Variants in TBC1D1 observed in about 807,000 individuals in gnomAD.
TBC1D1 encodes the protein TBC1 (tre-2/USP6, BUB2, cdc16) domain family, member 1.
TBC1D1 carries 89 observed loss-of-function variants against 125.6 expected under a neutral mutation model. That is an observed-to-expected ratio of 0.71 (90% CI 0.60 to 0.85). The LOEUF (loss-of-function observed/expected upper bound fraction) is 0.85, where lower values mean the gene tolerates loss of function less well. Ranked by LOEUF, TBC1D1 falls within the 40% of genes least tolerant of loss-of-function variation. TBC1D1 has a pLI of 0.00. For missense variants in TBC1D1, 1,377 were observed against 1,469.2 expected (o/e 0.94, Z 1.03); for synonymous variants, 565 against 564.1 (o/e 1.00, Z -0.02).
intron 9 of TBC1D1, 48 bp downstream of exon 9, chr4:38,044,538 G>A: frequency 8.3e-6 from 13 of 1,574,870 alleles, no homozygotes; most frequent in African/African-American, 1.4e-5. Context: ...CTTTTTAGGA[G>A]AGTGTAAGAT....
intron 7 of TBC1D1, among the ~76,000 whole-genome samples, chr4:38,028,130 C>CA (rs543949534): frequency 1.6e-4 from 24 of 150,360 alleles, no homozygotes; most frequent in South Asian, 1.1e-3. Context: ...AACAAACAAA[C>CA]AAAAAAAACA....
intron 2 of TBC1D1, among the ~76,000 whole-genome samples, chr4:37,992,489 T>C (rs1736787901): frequency 1.4e-5 from 2 of 145,098 alleles, no homozygotes. Flanking sequence ...ACTAGAAGTC[T>C]GGTGTTTTTT....
At chr4:38,085,633 C>T (rs1384893630) in intron 12 of TBC1D1, among the ~76,000 whole-genome samples, 1 of 152,222 alleles carries the variant, frequency 6.6e-6, no homozygotes, top group Non-Finnish European at 1.5e-5. Context: ...AAGCTTCCTA[C>T]ACTGGCCTCT....
chr4:37,908,173 C>T (rs532084784), intron 2 of TBC1D1, among the ~76,000 whole-genome samples: 1 of 152,156 alleles, frequency 6.6e-6, no homozygotes, highest in South Asian at 2.1e-4. Context: ...GTGCCGGGCC[C>T]AGGGTAAGTC....
intron 2 of TBC1D1, among the ~76,000 whole-genome samples, chr4:37,979,998 T>C (rs1443197634): frequency 6.6e-6 from 1 of 152,122 alleles, no homozygotes; most frequent in Non-Finnish European, 1.5e-5. Flanking sequence ...AGGCTGGTCT[T>C]GAAGTCCCGA....
At chr4:38,007,059 G>A in intron 2 of TBC1D1, 2 of 376,646 alleles carry the variant, frequency 5.3e-6, no homozygotes, top group Non-Finnish European at 1.1e-5. Context: ...AAATAGCTGA[G>A]CACTGAGACG....
chr4:38,000,274 A>C (rs969471078), intron 2 of TBC1D1, among the ~76,000 whole-genome samples: 1 of 152,146 alleles, frequency 6.6e-6, no homozygotes, highest in Non-Finnish European at 1.5e-5. Flanking sequence ...TCTTTGGTTC[A>C]CATCTTTATT....
chr4:38,001,239 G>C (rs1245279762), intron 2 of TBC1D1, among the ~76,000 whole-genome samples: 1 of 151,462 alleles, frequency 6.6e-6, no homozygotes, highest in Non-Finnish European at 1.5e-5. Flanking sequence ...AAGAAAGAAA[G>C]AAAGAATACC....
chr4:38,065,241 C>T (rs1190514283), intron 12 of TBC1D1, among the ~76,000 whole-genome samples: 1 of 152,174 alleles, frequency 6.6e-6, no homozygotes, highest in Non-Finnish European at 1.5e-5. Context: ...AGCCACTGCA[C>T]CCACCCAGCC....
chr4:38,131,636 G>A (rs887262618), intron 18 of TBC1D1, among the ~76,000 whole-genome samples: 2 of 152,204 alleles, frequency 1.3e-5, no homozygotes, highest in Non-Finnish European at 2.9e-5. Context: ...GCTGAGAGAG[G>A]TTAAGTACCG....
chr4:38,126,722 T>C (rs1764708170), intron 18 of TBC1D1, among the ~76,000 whole-genome samples: 2 of 152,152 alleles, frequency 1.3e-5, no homozygotes, highest in Non-Finnish European at 2.9e-5. Flanking sequence ...CATCGAAATA[T>C]ACGCATGATC....
chr4:38,012,976 G>A (rs1259142905), intron 2 of TBC1D1, among the ~76,000 whole-genome samples: 1 of 152,002 alleles, frequency 6.6e-6, no homozygotes, highest in Non-Finnish European at 1.5e-5. Context: ...TGTATTTTTA[G>A]TAGAGACGGG....
chr4:38,028,182 T>G (rs1209914133), intron 7 of TBC1D1, among the ~76,000 whole-genome samples: 1 of 152,184 alleles, frequency 6.6e-6, no homozygotes, highest in Non-Finnish European at 1.5e-5. Context: ...TTGTTTGTTT[T>G]TTTGACAGAG....
chr4:37,915,016 G>A (rs184430533), intron 2 of TBC1D1, among the ~76,000 whole-genome samples: 10 of 152,194 alleles, frequency 6.6e-5, no homozygotes, highest in Non-Finnish European at 1.2e-4. Flanking sequence ...TATCTCGTTC[G>A]GAATCATATG....
chr4:38,108,206 C>G (rs1428849761), intron 15 of TBC1D1, among the ~76,000 whole-genome samples: 1 of 152,178 alleles, frequency 6.6e-6, no homozygotes, highest in Non-Finnish European at 1.5e-5. Context: ...TGGGGGCTGC[C>G]AGTGACACTG....
intron 19 of TBC1D1, among the ~76,000 whole-genome samples, chr4:38,134,607 T>C (rs928009178): frequency 1.3e-5 from 2 of 152,182 alleles, no homozygotes; most frequent in Non-Finnish European, 2.9e-5. Flanking sequence ...CTAATAAAGC[T>C]CACATTTGCA....
intron 2 of TBC1D1, among the ~76,000 whole-genome samples, chr4:37,927,434 A>G (rs1722354703): frequency 6.6e-6 from 1 of 152,176 alleles, no homozygotes; most frequent in Non-Finnish European, 1.5e-5. Flanking sequence ...ACTCCTGAAG[A>G]GTCTCTCTCT....
rs116563662 is a variant in TBC1D1 at position 37,954,605 on chromosome 4, C to T, written c.417+52093C>T. ...TCTTGGAAGTCATGTCAAGAATGGACGGAGACCAGTGAGGATACCTTTGAG... is the reference window on the plus strand; with the variant it reads ...TCTTGGAAGTCATGTCAAGAATGGATGGAGACCAGTGAGGATACCTTTGAG... On this transcript the variant is annotated intron_variant, in intron 2 of 19. Transcript: ENST00000261439. Among the ~76,000 whole-genome samples, 1,295 of 152,108 alleles carry T rather than the reference C, an allele frequency of 8.5e-3. 12 individuals are homozygous for T. Among genetic ancestry groups the T allele is most frequent in the African/African-American group, 0.03 (1,225 of 41,502 alleles).
At chr4:38,069,946 G>A (rs1004209354) in intron 12 of TBC1D1, among the ~76,000 whole-genome samples, 1 of 152,124 alleles carries the variant, frequency 6.6e-6, no homozygotes, top group Non-Finnish European at 1.5e-5. Flanking sequence ...TTCTTCTTCT[G>A]CTGTGGCTCA....
Sources: gnomAD v4.1 joint callset for allele counts (sites outside exome capture counted in the v4.1 genomes callset) on GRCh38, gnomAD v4.1.1 for gene constraint, MANE v1.5 for transcripts, NCBI Gene and HGNC (gene_info 2026-07-23, HGNC 2026-07-21) for gene names.